The following EP400 variants were observed in gnomAD, a reference collection of about 807,000 sequenced individuals.
EP400 encodes the protein E1A-binding protein p400.
In EP400, 105 loss-of-function variants were observed where a neutral mutation model predicts 354.1. The observed-to-expected ratio is 0.30, with a 90% confidence interval of 0.25 to 0.35. The LOEUF (loss-of-function observed/expected upper bound fraction) is 0.35, where lower values mean the gene tolerates loss of function less well. Ranked by LOEUF, EP400 falls within the 10% of genes least tolerant of loss-of-function variation. EP400 has a pLI of 1.00. For missense variants in EP400, 3,280 were observed against 4,121.0 expected (o/e 0.80, Z 5.59); for synonymous variants, 1,646 against 1,716.9 (o/e 0.96, Z 1.02).
At chr12:132,023,186 G>T (rs1894178815) in intron 23 of EP400, among the ~76,000 whole-genome samples, 1 of 148,352 alleles carries the variant, frequency 6.7e-6, no homozygotes. Context: ...AGACTGGGGT[G>T]CAATGGCCTG....
rs745672584 is a variant in EP400, at chr12:132,013,781, C to T, written c.3791C>T (p.Thr1264Ile). 1.8e-5 allele frequency: 29 copies of T among 1,613,162 alleles called. No homozygotes were observed. The highest frequency in any genetic ancestry group is 1.6e-4 in the Middle Eastern group (1 of 6,080). The change falls in exon 19 of 53, where the codon ACA (threonine) becomes ATA (isoleucine). Residue 1264 changes from threonine to isoleucine, a missense_variant. This residue lies in a region of EP400 where 242 missense variants were observed against 357.9 expected (regional missense o/e 0.68). Coordinates refer to ENST00000389561, the MANE Select transcript of EP400 (RefSeq NM_015409.5). The surrounding 1 kb of genome is among the most constrained non-coding windows in gnomAD (Gnocchi z 4.5). ...HKVVIRLHRV[T>I]QPFILRRTKR... ...GTAAACAGTTTTTATTTTCAGGTGACACAGCCATTTATTTTGAGGAGAACT... is the reference window on the plus strand; with the variant it reads ...GTAAACAGTTTTTATTTTCAGGTGATACAGCCATTTATTTTGAGGAGAACT...
At chr12:131,989,900 A>T in intron 7 of EP400, 64 bp from the exon 8 acceptor site, 1 of 1,578,546 alleles carries the variant, frequency 6.3e-7, no homozygotes, top group Non-Finnish European at 8.6e-7. Flanking sequence ...AAAAAGTTAC[A>T]TATCCTTTTT....
In EP400 at chr12:131,994,854, A is replaced by C. The variant is rs1893152031; in HGVS notation, c.2738-13A>C. On this transcript the variant is annotated splice_polypyrimidine_tract_variant and intron_variant, in intron 11 of 52. Transcript: ENST00000389561. This position sits in a 1 kb window ranked among gnomAD's most constrained non-coding sequence, Gnocchi z 4.6. ...TGTTGCCTCTCAGTGACACTTGCTGATAACCATTTTAGTGGACGATGAAGA... is the reference window on the plus strand; with the variant it reads ...TGTTGCCTCTCAGTGACACTTGCTGCTAACCATTTTAGTGGACGATGAAGA... 3 of 1,613,438 alleles carry C rather than the reference A, an allele frequency of 1.9e-6. No individual in the cohort carries two copies. The highest frequency in any genetic ancestry group is 1.3e-5 in the African/African-American group (1 of 74,916).
Position 132,077,857 on chromosome 12 carries a change from GGA to G in EP400, c.*186_*187del, listed in dbSNP as rs1896284200. On this transcript the variant is annotated 3_prime_UTR_variant, in exon 53 of 53. Coordinates refer to ENST00000389561, the MANE Select transcript of EP400 (RefSeq NM_015409.5). ...ACACTGCAGGACAAATGGTCCTTAT[GGA>G]GTGCCGCGTTCTCTGTACTACGTGG... The G allele has an allele frequency of 2.5e-6, 2 of 795,266 alleles. No homozygotes were observed. The highest frequency in any genetic ancestry group is 3.5e-5 in the African/African-American group (2 of 57,674). 49.3% of individuals were successfully genotyped at this position (795,266 alleles called of 1,614,324 possible).
In EP400 at chr12:132,035,175, T is replaced by C. The variant is rs78897271; in HGVS notation, c.5952-2507T>C. 1.1e-4 allele frequency among the ~76,000 whole-genome samples: 17 copies of C among 152,208 alleles called. No individual in the cohort carries two copies. In the East Asian group the frequency reaches 2.7e-3, roughly 24 times the overall value. On this transcript the variant is annotated intron_variant, in intron 30 of 52. Transcript: ENST00000389561. ...CTGGTCTGGAGAAGGAAGGACCAGTTTAATGCACGATGAGATCTCTCTTCT... is the reference window on the plus strand; with the variant it reads ...CTGGTCTGGAGAAGGAAGGACCAGTCTAATGCACGATGAGATCTCTCTTCT...
chr12:132,067,176 G>A lies in EP400; in HGVS notation c.8750-186G>A, dbSNP rs919811764. 5 of 1,171,054 alleles carry A rather than the reference G, an allele frequency of 4.3e-6. No homozygotes were observed. Among genetic ancestry groups the A allele is most frequent in the African/African-American group, 1.5e-5 (1 of 64,638 alleles). The allele number at this position is 1,171,054 out of a possible 1,614,324, so 72.5% of individuals were successfully genotyped here. ...GAACTGTTAACATTCTGAAATTTCC[G>A]TCTTAATTTAAGTGTAATTTGTGAA... is the stretch of plus-strand genomic sequence containing the variant. On this transcript the variant is annotated intron_variant, in intron 49 of 52. Coordinates refer to ENST00000389561, the MANE Select transcript of EP400 (RefSeq NM_015409.5). The surrounding 1 kb of genome is among the most constrained non-coding windows in gnomAD (Gnocchi z 5.3).
chr12:132,043,131 T>G (rs1894970581), intron 32 of EP400, among the ~76,000 whole-genome samples, 173 bp from the exon 33 acceptor site: 1 of 152,240 alleles, frequency 6.6e-6, no homozygotes, highest in Admixed American at 6.5e-5. Context: ...ATTCCCTAAG[T>G]GCCTTATCAT....
At chr12:131,987,055 T>C (rs1593327711) in intron 6 of EP400, among the ~76,000 whole-genome samples, 1 of 151,944 alleles carries the variant, frequency 6.6e-6, no homozygotes, top group Non-Finnish European at 1.5e-5. Flanking sequence ...TAGACGAGGG[T>C]GGGAGAGGTC....
At position 132,033,094 on chromosome 12, in the gene EP400, C is replaced by T. The variant is rs974089435; in HGVS notation, c.5951+945C>T. Among the ~76,000 whole-genome samples, 7 of 151,980 alleles carry T rather than the reference C, an allele frequency of 4.6e-5. No individual in the cohort carries two copies. In the East Asian group the frequency reaches 9.7e-4, roughly 21 times the overall value. ...CCCCGAGGAGCTGAGGTTACAGGTG[C>T]GCGCCACCATGCCCTGCTAGTTTTT... is the stretch of plus-strand genomic sequence containing the variant. On this transcript the variant is annotated intron_variant, in intron 30 of 52. Transcript: ENST00000389561.
At chr12:131,956,051 C>A (rs1247119315) in intron 1 of EP400, among the ~76,000 whole-genome samples, 1 of 152,164 alleles carries the variant, frequency 6.6e-6, no homozygotes, top group Non-Finnish European at 1.5e-5. Context: ...TCTCTCTAGT[C>A]AGCTCCATCT....
At position 132,053,413 on chromosome 12, in the gene EP400, C is replaced by T. The variant is rs1593376590; in HGVS notation, c.7544C>T (p.Pro2515Leu). ...AQPPPPQPQPPPPPQQPPPPL... is the reference protein window; with the variant it reads ...AQPPPPQPQPLPPPQQPPPPL... Reference sequence around the variant, plus strand: ...CCACCCCCGCCCCAGCCGCAGCCCCCACCACCCCCGCAGCAGCCACCGCCA... The same window carrying T: ...CCACCCCCGCCCCAGCCGCAGCCCCTACCACCCCCGCAGCAGCCACCGCCA... The change falls in exon 43 of 53, where the codon CCA becomes CTA. Residue 2515 changes from proline (P) to leucine (L), a missense_variant. By Grantham distance (98) the Pro-to-Leu change is moderately conservative. Coordinates refer to ENST00000389561, the MANE Select transcript of EP400 (RefSeq NM_015409.5). The T allele has an allele frequency of 1.3e-6, 2 of 1,528,466 alleles. No homozygotes were observed. Among genetic ancestry groups the T allele is most frequent in the Non-Finnish European group, 1.8e-6 (2 of 1,142,142 alleles). 94.7% of individuals were successfully genotyped at this position (1,528,466 alleles called of 1,614,324 possible). A position where few individuals can be genotyped will look rare whatever the true frequency, so the allele number is the denominator to read the frequency against.
intron 21 of EP400, 40 bp from the exon 22 acceptor site, chr12:132,020,009 G>T: frequency 6.8e-7 from 1 of 1,478,150 alleles, no homozygotes; most frequent in Non-Finnish European, 9.0e-7. Flanking sequence ...TCTGTGGTCT[G>T]ATGCTCTGTA....
chr12:131,976,203 C>T (rs1406523231), intron 2 of EP400, among the ~76,000 whole-genome samples: 2 of 152,056 alleles, frequency 1.3e-5, no homozygotes, highest in African/African-American at 4.8e-5. Context: ...ACTTTAATAT[C>T]CTTGCCTGCT....
chr12:131,994,258 A>G lies in EP400; in HGVS notation c.2738-609A>G, dbSNP rs1893134455. On this transcript the variant is annotated intron_variant, in intron 11 of 52. Coordinates refer to ENST00000389561, the MANE Select transcript of EP400 (RefSeq NM_015409.5). The surrounding 1 kb of genome is among the most constrained non-coding windows in gnomAD (Gnocchi z 4.6). ...TTATGTTAGATTGTGAGAGAAGAAA[A>G]GTTGAGAGCCAGCTGAGAGGAGAGA... is the stretch of plus-strand genomic sequence containing the variant. 6.6e-6 allele frequency among the ~76,000 whole-genome samples: 1 copy of G among 152,150 alleles called. No individual in the cohort carries two copies. Among genetic ancestry groups the G allele is most frequent in the African/African-American group, 2.4e-5 (1 of 41,444 alleles).
chr12:132,049,507 G>A (rs185478896), intron 39 of EP400, among the ~76,000 whole-genome samples: 34 of 152,314 alleles, frequency 2.2e-4, no homozygotes, highest in Non-Finnish European at 4.3e-4. Flanking sequence ...ACACAGACAT[G>A]TATACATGTA....
At chr12:132,065,176 G>A (rs947018550) in intron 48 of EP400, 5 of 534,336 alleles carry the variant, frequency 9.4e-6, no homozygotes, top group African/African-American at 5.7e-5. Context: ...GCTTCCCTGT[G>A]CTGCTGAGGG....
chr12:131,984,761 C>T (rs896473974), intron 5 of EP400, among the ~76,000 whole-genome samples: 1 of 151,506 alleles, frequency 6.6e-6, no homozygotes, highest in African/African-American at 2.4e-5. Context: ...CGCAGTGGCA[C>T]GATCTCCGCT....
chr12:132,043,831 C>G (rs1214149811), intron 34 of EP400, 103 bp downstream of exon 34: 1 of 1,045,488 alleles, frequency 9.6e-7, no homozygotes, highest in Non-Finnish European at 1.4e-6. Flanking sequence ...GTCACAAAAG[C>G]CAAAACCCAC....
rs745745180 is a variant in EP400 at position 132,044,725 on chromosome 12, G to A, written c.6630+10G>A. On this transcript the variant is annotated intron_variant, in intron 36 of 52. Coordinates refer to ENST00000389561, the MANE Select transcript of EP400 (RefSeq NM_015409.5). ...GACAGAAGTCATGCCGGTGAGTGCT[G>A]CCCTCTCCCTTTGTGTCTGTGTGGG... 11 of 1,614,164 alleles carry A rather than the reference G, an allele frequency of 6.8e-6. No homozygotes were observed. Among genetic ancestry groups the A allele is most frequent in the Non-Finnish European group, 9.3e-6 (11 of 1,180,038 alleles).
Sources: allele counts gnomAD v4.1 joint callset (sites outside exome capture counted in the v4.1 genomes callset), GRCh38; gene constraint gnomAD v4.1.1; regional missense constraint gnomAD v4.1.1; non-coding constraint Gnocchi (gnomAD v3.1); transcripts MANE v1.5; gene names NCBI Gene and HGNC (gene_info 2026-07-23, HGNC 2026-07-21).